HYDIN: variants seen among roughly 807,000 people sequenced by gnomAD.
The protein encoded by HYDIN is HYDIN axonemal central pair apparatus protein.
In HYDIN, 132 loss-of-function variants were observed where a neutral mutation model predicts 403.9. The observed-to-expected ratio is 0.33, with a 90% CI of 0.28 to 0.38. The LOEUF (loss-of-function observed/expected upper bound fraction) is 0.38, where lower values mean the gene tolerates loss of function less well. Among genes scored for constraint, HYDIN ranks in the 10% least tolerant of loss-of-function variants. The pLI, the probability that HYDIN is intolerant of heterozygous loss-of-function variation, is 1.00. For synonymous variants in HYDIN, 1,202 were observed against 1,891.7 expected (o/e 0.64, Z 9.46); for missense variants, 2,827 against 5,009.5 (o/e 0.56, Z 13.15).
At chr16:71,047,889 A>G (rs1335684404) in intron 18 of HYDIN, among the ~76,000 whole-genome samples, 2 of 152,074 alleles carry the variant, frequency 1.3e-5, no homozygotes, top group Admixed American at 1.3e-4. Context: ...ATACAATACA[A>G]TATTGTTAAC....
At chr16:70,898,601 T>C (rs1199485357) in intron 53 of HYDIN, among the ~76,000 whole-genome samples, 4 of 151,736 alleles carry the variant, frequency 2.6e-5, no homozygotes. Context: ...ACAGGAAGAA[T>C]TCTGAGCTCA....
chr16:70,925,403 G>T (rs1034092500), intron 45 of HYDIN, among the ~76,000 whole-genome samples: 21 of 152,358 alleles, frequency 1.4e-4, no homozygotes, highest in Non-Finnish European at 2.2e-4. Context: ...CCCATTGCTT[G>T]TTTTTCTCAG....
At chr16:71,022,994 G>A (rs2080552832) in intron 21 of HYDIN, among the ~76,000 whole-genome samples, 1 of 151,520 alleles carries the variant, frequency 6.6e-6, no homozygotes. Context: ...AAGAAACTAG[G>A]CTGCATATTT....
chr16:70,933,325 G>C (rs1312634351), intron 45 of HYDIN, among the ~76,000 whole-genome samples: 1 of 151,154 alleles, frequency 6.6e-6, no homozygotes, highest in Non-Finnish European at 1.5e-5. Context: ...GCTGAAAGAA[G>C]GGTTGGGGAG....
At chr16:71,221,931 G>A (rs573302796) in intron 1 of HYDIN, among the ~76,000 whole-genome samples, 2 of 152,302 alleles carry the variant, frequency 1.3e-5, no homozygotes, top group South Asian at 4.1e-4. Flanking sequence ...TTGGCCAAAG[G>A]TGGCCAACTT....
intron 75 of HYDIN, among the ~76,000 whole-genome samples, chr16:70,843,062 T>C (rs990763503): frequency 8.6e-5 from 13 of 151,692 alleles, no homozygotes; most frequent in Admixed American, 8.5e-4. Flanking sequence ...TTTATTATAC[T>C]TTATGTTTTA....
At chr16:71,204,950 T>G (rs752794789) in intron 1 of HYDIN, among the ~76,000 whole-genome samples, 2 of 152,042 alleles carry the variant, frequency 1.3e-5, no homozygotes, top group Non-Finnish European at 2.9e-5. Flanking sequence ...AAAATTAATC[T>G]CCTTAAAGAG....
chr16:70,962,691 CA>C (rs1463112021), intron 37 of HYDIN, among the ~76,000 whole-genome samples: 1 of 146,026 alleles, frequency 6.8e-6, no homozygotes, highest in Non-Finnish European at 1.5e-5. Flanking sequence ...TATAGCATTT[CA>C]GGGGTGCAGT....
chr16:70,979,308 A>G (rs1204012094), intron 29 of HYDIN, among the ~76,000 whole-genome samples: 2 of 149,156 alleles, frequency 1.3e-5, no homozygotes, highest in Non-Finnish European at 3.0e-5. Flanking sequence ...AGTTAGTTAC[A>G]TTTGAAGACA....
rs755996140 is a variant in HYDIN at position 71,093,933 on chromosome 16, G to A, written c.1330C>T (p.Arg444Ter). Residue 444 changes from arginine (R) to a stop codon, truncating the protein, a stop_gained and splice_region_variant, in exon 11 of 86, where the codon CGA becomes TGA. Coordinates refer to ENST00000393567, the MANE Select transcript of HYDIN (RefSeq NM_001270974.2). LOFTEE classifies it high-confidence loss of function. ...QQTIYCDILG[R>*]EIRLPLRIKG... ...ATTCGGAGGGGCAGACGGATTTCTC[G>A]GCCTAGAAAAACAATTCAGACTTTA... The A allele has an allele frequency of 4.3e-6, 7 of 1,612,924 alleles. No individual in the cohort carries two copies. The South Asian group carries it at 5.5e-5, about 13-fold the overall frequency.
chr16:71,214,360 C>T (rs548011394), intron 1 of HYDIN, among the ~76,000 whole-genome samples: 7 of 152,048 alleles, frequency 4.6e-5, no homozygotes, highest in Admixed American at 1.3e-4. Context: ...AAATTTAGTC[C>T]TCAAAAAAAC....
intron 45 of HYDIN, among the ~76,000 whole-genome samples, chr16:70,926,842 C>T (rs2077168082): frequency 1.3e-5 from 2 of 151,496 alleles, no homozygotes; most frequent in East Asian, 1.9e-4. Context: ...AATGCAATAA[C>T]AAAATGAAAA....
rs775787690 is a variant in HYDIN, at chr16:70,834,162, G to T, written c.13404C>A (p.Val4468=). The part of the protein sequence containing the change: ...FTIPELQEPK[V]LTLAPFHNIT... ...TGTTGTGGAAGGGCGCCAGGGTAAG[G>T]ACCTGAATGAAATAGCACCCAGAGT... is the stretch of plus-strand genomic sequence containing the variant. The change falls in exon 79 of 86, where the codon GTC becomes GTA. Residue 4468 remains valine, a splice_region_variant and synonymous_variant. Transcript: ENST00000393567. The T allele has an allele frequency of 5.0e-6, 8 of 1,613,754 alleles. No individual in the cohort carries two copies. The Admixed American group carries it at 1.3e-4, about 27-fold the overall frequency.
At chr16:70,897,891 G>A (rs547129106) in intron 53 of HYDIN, among the ~76,000 whole-genome samples, 133 of 151,892 alleles carry the variant, frequency 8.8e-4, no homozygotes, top group Middle Eastern at 3.4e-3. Context: ...AAATGTGGCC[G>A]GTTGCAGTGG....
At chr16:71,036,802 C>T (rs907667) in intron 18 of HYDIN, among the ~76,000 whole-genome samples, 1 of 151,728 alleles carries the variant, frequency 6.6e-6, no homozygotes, top group South Asian at 2.1e-4. Flanking sequence ...CACGAGTCAG[C>T]CTCGAAACTA....
At chr16:71,178,185 C>T (rs1294900543) in intron 4 of HYDIN, among the ~76,000 whole-genome samples, 1 of 151,946 alleles carries the variant, frequency 6.6e-6, no homozygotes. Context: ...TTTGGGAGAC[C>T]GAAGTGGGTG....
intron 1 of HYDIN, among the ~76,000 whole-genome samples, chr16:71,212,739 AG>A (rs58556583): frequency 0.049 from 7,399 of 152,198 alleles, 610 homozygotes; most frequent in African/African-American, 0.17. Flanking sequence ...GCTTGAGTGA[AG>A]TAAGAGAAGA....
At chr16:71,158,766 C>T (rs1171583190) in intron 6 of HYDIN, among the ~76,000 whole-genome samples, 1 of 150,280 alleles carries the variant, frequency 6.7e-6, no homozygotes, top group African/African-American at 2.5e-5. Flanking sequence ...ACTGCAACCT[C>T]GAGCTCCTGG....
chr16:71,055,900 A>G (rs1416837347), intron 18 of HYDIN, among the ~76,000 whole-genome samples: 1 of 152,082 alleles, frequency 6.6e-6, no homozygotes, highest in Non-Finnish European at 1.5e-5. Flanking sequence ...CGAGCAAGGC[A>G]CTTCCTCTGC....
Sources: gnomAD v4.1 joint callset for allele counts (sites outside exome capture counted in the v4.1 genomes callset) on GRCh38, gnomAD v4.1.1 for gene constraint, MANE v1.5 for transcripts, NCBI Gene and HGNC (gene_info 2026-07-23, HGNC 2026-07-21) for gene names.